Variants in HORMAD2 observed in about 807,000 individuals in gnomAD.
The protein encoded by HORMAD2 is HORMA domain containing 2, also known as HORMA domain-containing protein 2.
In HORMAD2, 45 loss-of-function variants were observed where a neutral mutation model predicts 38.8. The observed-to-expected ratio is 1.16, with a 90% CI of 0.91 to 1.49. HORMAD2 has a LOEUF of 1.49. HORMAD2 is among the 40% of genes most tolerant of loss of function. The pLI is 0.00. For synonymous variants in HORMAD2, 126 were observed against 122.8 expected (o/e 1.03, Z -0.17); for missense variants, 338 against 367.0 (o/e 0.92, Z 0.65).
At chr22:30,098,284 C>G (rs886125363) in intron 2 of HORMAD2, among the ~76,000 whole-genome samples, 1 of 152,004 alleles carries the variant, frequency 6.6e-6, no homozygotes, top group African/African-American at 2.4e-5. Context: ...AAGACAGAAT[C>G]CTGGGGGATA....
At chr22:30,142,516 T>C (rs1238184101) in intron 10 of HORMAD2, among the ~76,000 whole-genome samples, 1 of 152,122 alleles carries the variant, frequency 6.6e-6, no homozygotes, top group Non-Finnish European at 1.5e-5. Flanking sequence ...TCTTGATCAG[T>C]TTTTCTTCAT....
chr22:30,112,154 G>A (rs1054672822), intron 6 of HORMAD2, among the ~76,000 whole-genome samples: 11 of 152,046 alleles, frequency 7.2e-5, no homozygotes, highest in African/African-American at 2.4e-4. Flanking sequence ...AGTTTAACAT[G>A]TTATACATAG....
At chr22:30,168,651 C>A (rs554716871) in intron 10 of HORMAD2, among the ~76,000 whole-genome samples, 1 of 152,254 alleles carries the variant, frequency 6.6e-6, no homozygotes, top group South Asian at 2.1e-4. Context: ...CTTTACTATA[C>A]CTGTGCTTAT....
At chr22:30,080,911 C>T (rs1356228248) in intron 1 of HORMAD2, 1 of 152,232 alleles carries the variant, frequency 6.6e-6, no homozygotes, top group African/African-American at 2.4e-5. Context: ...TTCTCCCCAG[C>T]CATTGAGGTT....
At chr22:30,178,771 T>C (rs1926585245), downstream of HORMAD2, among the ~76,000 whole-genome samples, 1 of 152,228 alleles carries the variant, frequency 6.6e-6, no homozygotes, top group Non-Finnish European at 1.5e-5. Context: ...GATTAGATGA[T>C]GATAGTTGGA....
intron 1 of HORMAD2, among the ~76,000 whole-genome samples, chr22:30,090,750 C>A (rs1025928963): frequency 6.6e-6 from 1 of 152,124 alleles, no homozygotes; most frequent in Non-Finnish European, 1.5e-5. Flanking sequence ...AATTGACACA[C>A]AGTAATTGTA....
intron 7 of HORMAD2, among the ~76,000 whole-genome samples, chr22:30,116,929 G>C (rs9620948): frequency 2.0e-5 from 3 of 150,636 alleles, no homozygotes; most frequent in Non-Finnish European, 2.9e-5. Context: ...TTGGCTAAGA[G>C]AGGACTCTGT....
the HORMAD2 span, among the ~76,000 whole-genome samples, chr22:30,200,748 A>ATTATTATTATTG: frequency 3.4e-5 from 5 of 148,230 alleles, no homozygotes; most frequent in African/African-American, 1.2e-4. Flanking sequence ...TATTATTATT[A>ATTATTATTATTG]TTATTATTAT....
downstream of HORMAD2, among the ~76,000 whole-genome samples, chr22:30,179,279 G>T (rs944210797): frequency 1.3e-5 from 2 of 152,086 alleles, no homozygotes; most frequent in Non-Finnish European, 2.9e-5. Context: ...GTTAAGTCAA[G>T]GTCTGCTACA....
chr22:30,177,153 G>C (rs1056956943), downstream of HORMAD2: 1 of 152,280 alleles, frequency 6.6e-6, no homozygotes, highest in Non-Finnish European at 1.5e-5. Flanking sequence ...CAAATGTAAA[G>C]TGTAGTGAGA....
chr22:30,133,132 A>G (rs886638082), intron 10 of HORMAD2, among the ~76,000 whole-genome samples: 1 of 152,152 alleles, frequency 6.6e-6, no homozygotes, highest in Non-Finnish European at 1.5e-5. Flanking sequence ...ATTTTATTCA[A>G]TTGCACATTG....
At chr22:30,137,399 G>A (rs1923739536) in intron 10 of HORMAD2, 2 of 460,416 alleles carry the variant, frequency 4.3e-6, no homozygotes, top group South Asian at 3.4e-5. Flanking sequence ...AATGGGTCAA[G>A]GTATTTGAGC....
intron 5 of HORMAD2, among the ~76,000 whole-genome samples, chr22:30,106,093 C>T (rs1429781594): frequency 6.6e-6 from 1 of 152,142 alleles, no homozygotes; most frequent in Non-Finnish European, 1.5e-5. Flanking sequence ...TCACTGCAAC[C>T]TCCGCCTCCC....
chr22:30,166,392 G>C (rs1284646724), intron 10 of HORMAD2, among the ~76,000 whole-genome samples: 1 of 152,124 alleles, frequency 6.6e-6, no homozygotes, highest in African/African-American at 2.4e-5. Flanking sequence ...ACCACATGTG[G>C]CTATTGAGCA....
intron 4 of HORMAD2, 148 bp downstream of exon 4, chr22:30,103,648 G>GTTTTTTT (rs1569087601): frequency 2.7e-4 from 20 of 73,702 alleles, no homozygotes; most frequent in African/African-American, 9.7e-4. Flanking sequence ...TTCTGTTTTT[G>GTTTTTTT]ATTTTTTTTT....
intron 5 of HORMAD2, among the ~76,000 whole-genome samples, chr22:30,110,600 G>A (rs984033228): frequency 6.6e-6 from 1 of 151,748 alleles, no homozygotes; most frequent in African/African-American, 2.4e-5. Flanking sequence ...TTCCCAGGCT[G>A]ATCCCAAACT....
At chr22:30,095,986 C>G (rs1281544198) in intron 2 of HORMAD2, among the ~76,000 whole-genome samples, 2 of 152,126 alleles carry the variant, frequency 1.3e-5, no homozygotes, top group Admixed American at 6.6e-5. Flanking sequence ...TGACATCTAA[C>G]AGCATAGATT....
At chr22:30,160,152 C>T (rs75392375) in intron 10 of HORMAD2, among the ~76,000 whole-genome samples, 244 of 152,016 alleles carry the variant, frequency 1.6e-3, no homozygotes, top group African/African-American at 5.6e-3. Context: ...AACTCTACTG[C>T]CCATCCCTGC....
chr22:30,183,516 T>G, the HORMAD2 span, among the ~76,000 whole-genome samples: 2 of 152,204 alleles, frequency 1.3e-5, no homozygotes, highest in African/African-American at 2.4e-5. Flanking sequence ...GACACTCCAT[T>G]AAGCACCTAC....
Sources: gnomAD v4.1 joint callset for allele counts (sites outside exome capture counted in the v4.1 genomes callset) on GRCh38, gnomAD v4.1.1 for gene constraint, MANE v1.5 for transcripts, NCBI Gene and HGNC (gene_info 2026-07-23, HGNC 2026-07-21) for gene names.